The following DAAM2 variants were observed in gnomAD, a reference collection of about 807,000 sequenced individuals.
DAAM2 encodes the protein disheveled-associated activator of morphogenesis 2.
A neutral mutation model predicts 120.7 loss-of-function variants in DAAM2; 39 were observed. The observed-to-expected ratio is 0.32, with a 90% CI of 0.25 to 0.42. DAAM2 has a LOEUF of 0.42. Ranked by LOEUF, DAAM2 falls within the 10% of genes least tolerant of loss-of-function variation. DAAM2 has a pLI of 1.00. For synonymous variants in DAAM2, 488 were observed against 524.9 expected, an observed-to-expected ratio of 0.93 and a Z score of 0.96; for missense variants, 1,283 against 1,401.7, an observed-to-expected ratio of 0.92 and a Z score of 1.35.
chr6:39,849,786 C>A (rs1257773790), intron 1 of DAAM2, among the ~76,000 whole-genome samples: 1 of 151,976 alleles, frequency 6.6e-6, no homozygotes, highest in Non-Finnish European at 1.5e-5. Context: ...TGTAGGTGGG[C>A]AGTGGGGAGA....
At chr6:39,888,244 C>T (rs556590624) in intron 16 of DAAM2, 101 of 157,596 alleles carry the variant, frequency 6.4e-4, no homozygotes, top group African/African-American at 2.0e-3. Context: ...AGACTGAGAG[C>T]GATTCTGTGT....
At chr6:39,868,985 G>A in intron 7 of DAAM2, 52 bp downstream of exon 7, 2 of 1,316,060 alleles carry the variant, frequency 1.5e-6, no homozygotes. Context: ...TGGACCTGGG[G>A]TAGAGTGTGT....
chr6:39,812,347 G>A (rs2114070947), intron 1 of DAAM2, among the ~76,000 whole-genome samples: 1 of 152,282 alleles, frequency 6.6e-6, no homozygotes, highest in East Asian at 1.9e-4. Context: ...TGCAAAGTGG[G>A]TATTATCCCA....
chr6:39,863,481 CGCTGGCA>C (rs904873083), intron 3 of DAAM2, among the ~76,000 whole-genome samples: 26 of 152,066 alleles, frequency 1.7e-4, no homozygotes, highest in African/African-American at 6.3e-4. Context: ...CTGCAGGGCC[CGCTGGCA>C]GCTGGCAGAG....
intron 23 of DAAM2, 126 bp downstream of exon 23, chr6:39,900,334 G>C: frequency 9.0e-7 from 1 of 1,108,056 alleles, no homozygotes; most frequent in Non-Finnish European, 1.3e-6. Flanking sequence ...AGAGAAAACC[G>C]TTTCTTCGCT....
Position 39,865,064 on chromosome 6 carries a change from C to A in DAAM2, c.418C>A (p.Gln140Lys). Residue 140 changes from glutamine (Q) to lysine (K), a missense_variant, in exon 5 of 25, where the codon CAG becomes AAG. Physicochemically the swap from Gln to Lys is moderately conservative, Grantham distance 53. Around this residue, in one of 3 missense-constraint regions of DAAM2, gnomAD observed 197 missense variants for 189.3 expected, o/e 1.04. Transcript: ENST00000274867. ...AGACCTGAAGACAGCCCTCCGGACA[C>A]AGCCTATGAGGTAATTCAGTTTCCC... ...VEDLKTALRT[Q>K]PMRFVTRFIE... is the part of the protein sequence containing the mutation. 6.4e-7 allele frequency: 1 copy of A among 1,559,568 alleles called. No individual in the cohort carries two copies. The highest frequency in any genetic ancestry group is 8.8e-7 in the Non-Finnish European group (1 of 1,136,968).
chr6:39,803,547 TGAG>T (rs1271611280), intron 1 of DAAM2, among the ~76,000 whole-genome samples: 3 of 152,250 alleles, frequency 2.0e-5, no homozygotes, highest in Admixed American at 2.0e-4. Context: ...TTTTCACAGA[TGAG>T]GAGACTGAGG....
At position 39,888,582 on chromosome 6, in the gene DAAM2, C is replaced by A. The variant is rs528024281; in HGVS notation, c.2061-97C>A. The A allele has an allele frequency of 3.3e-5, 32 of 984,400 alleles. No homozygotes were observed. The African/African-American group carries it at 4.5e-4, about 14-fold the overall frequency. 61.0% of individuals were successfully genotyped at this position (984,400 alleles called of 1,614,324 possible). The stretch of plus-strand genomic sequence containing the variant: ...AGGGGGGAATACTATTAAATATATT[C>A]CCAAGTCCTGTTAGGGAATGAGGGA... On this transcript the variant is annotated intron_variant, in intron 16 of 24. Coordinates refer to ENST00000274867, the MANE Select transcript of DAAM2 (RefSeq NM_001201427.2).
chr6:39,872,675 C>T (rs541763744), intron 9 of DAAM2, among the ~76,000 whole-genome samples: 1 of 152,286 alleles, frequency 6.6e-6, no homozygotes, highest in East Asian at 1.9e-4. Context: ...TTCACAAAAG[C>T]CCTGGATTTA....
At position 39,817,595 on chromosome 6, in the gene DAAM2, G is replaced by A. The variant is rs116202994; in HGVS notation, c.-57+25130G>A. On this transcript the variant is annotated intron_variant, in intron 1 of 24. Transcript: ENST00000274867. ...TTCTATAGTGAAACAGAACCAATAG[G>A]ATCTCTCTCTACATATATCTGGATT... 4.0e-3 allele frequency among the ~76,000 whole-genome samples: 602 copies of A among 152,210 alleles called. 3 individuals are homozygous for A. Among genetic ancestry groups the A allele is most frequent in the African/African-American group, 0.013 (558 of 41,532 alleles).
Position 39,904,752 on chromosome 6 carries a change from C to A in DAAM2, c.*2715C>A, listed in dbSNP as rs1181369458. On this transcript the variant is annotated 3_prime_UTR_variant, in exon 25 of 25. Transcript: ENST00000274867. ...ACGCCAAGGCTGTTCTCACCAGCTG[C>A]CTCAGATGACAAATGAGGCTAATGG... is the stretch of plus-strand genomic sequence containing the variant. 2.2e-6 allele frequency: 1 copy of A among 454,134 alleles called. No homozygotes were observed. Among genetic ancestry groups the A allele is most frequent in the Non-Finnish European group, 4.4e-6 (1 of 226,802 alleles). The allele number at this position is 454,134 out of a possible 1,614,324, so 28.1% of individuals were successfully genotyped here. A position where few individuals can be genotyped will look rare whatever the true frequency, so the allele number is the denominator to read the frequency against.
At chr6:39,849,991 T>A (rs992327399) in intron 1 of DAAM2, among the ~76,000 whole-genome samples, 3 of 152,034 alleles carry the variant, frequency 2.0e-5, no homozygotes, top group Non-Finnish European at 2.9e-5. Flanking sequence ...ACATTCCTTA[T>A]GTTCCATGCA....
At position 39,873,208 on chromosome 6, in the gene DAAM2, C is replaced by T. The variant is rs375375457; in HGVS notation, c.1045-30C>T. On this transcript the variant is annotated intron_variant, in intron 9 of 24. Transcript: ENST00000274867. ...CTGCTGACTTCCTCTGCTGCCTACC[C>T]ACTGATCACTGTGCCCTCTTCTCTC... is the stretch of plus-strand genomic sequence containing the variant. 9.7e-4 allele frequency: 1,384 copies of T among 1,421,298 alleles called. 13 individuals are homozygous for T. Among genetic ancestry groups the T allele is most frequent in the South Asian group, 9.3e-3 (784 of 83,984 alleles). 88.0% of individuals were successfully genotyped at this position (1,421,298 alleles called of 1,614,324 possible).
At position 39,903,955 on chromosome 6, in the gene DAAM2, C is replaced by T. The variant is rs971058224; in HGVS notation, c.*1918C>T. On this transcript the variant is annotated 3_prime_UTR_variant, in exon 25 of 25. Transcript: ENST00000274867. Reference sequence around the variant, plus strand: ...CAGAGAGTTTGGCTATATGCATCTGCAGCCCCAAGAGCTCCCACTGCAAGA... The same window carrying T: ...CAGAGAGTTTGGCTATATGCATCTGTAGCCCCAAGAGCTCCCACTGCAAGA... 3.5e-5 allele frequency: 12 copies of T among 346,922 alleles called. No homozygotes were observed. The highest frequency in any genetic ancestry group is 1.9e-4 in the African/African-American group (9 of 46,610). The allele number at this position is 346,922 out of a possible 1,614,324, so 21.5% of individuals were successfully genotyped here.
intron 1 of DAAM2, among the ~76,000 whole-genome samples, chr6:39,792,685 G>A (rs993546048): frequency 6.6e-6 from 1 of 152,164 alleles, no homozygotes; most frequent in African/African-American, 2.4e-5. Context: ...TGTGTGAGTT[G>A]TGTGTGTGTA....
rs147287475 is a variant in DAAM2, at chr6:39,849,025, G to A, written c.-56-7222G>A. Reference sequence around the variant, plus strand: ...GCTCTCAATGGGTCAGATAGTACAAGTGAGGAGCCAGTACGATATATTAAG... The same window carrying A: ...GCTCTCAATGGGTCAGATAGTACAAATGAGGAGCCAGTACGATATATTAAG... On this transcript the variant is annotated intron_variant, in intron 1 of 24. Transcript: ENST00000274867. 1.1e-4 allele frequency: 17 copies of A among 152,376 alleles called. 1 individual carries two copies. Among genetic ancestry groups the A allele is most frequent in the South Asian group, 1.0e-3 (5 of 4,828 alleles). The allele number at this position is 152,376 out of a possible 1,614,324, so 9.4% of individuals were successfully genotyped here.
intron 14 of DAAM2, 126 bp from the exon 15 acceptor site, chr6:39,883,836 G>T: frequency 1.5e-6 from 1 of 665,856 alleles, no homozygotes; most frequent in South Asian, 1.8e-5. Flanking sequence ...ACTACCTTCT[G>T]AAGGTCTGAA....
At chr6:39,880,294 C>A (rs776992667) in intron 14 of DAAM2, among the ~76,000 whole-genome samples, 1 of 152,166 alleles carries the variant, frequency 6.6e-6, no homozygotes, top group Non-Finnish European at 1.5e-5. Context: ...GTTGGACTGG[C>A]TCTTGGGGAA....
In DAAM2 at chr6:39,891,321, C is replaced by T. The variant is rs962096730; in HGVS notation, c.2146-20C>T. ...TGCTGCTCACCAGTTGCTTGTGTGA[C>T]TTGCGCCTGCTCTTTGCAGCTCCTC... is the stretch of plus-strand genomic sequence containing the variant. On this transcript the variant is annotated intron_variant, in intron 17 of 24. Transcript: ENST00000274867. 1.3e-6 allele frequency: 2 copies of T among 1,571,840 alleles called. No individual in the cohort carries two copies. The highest frequency in any genetic ancestry group is 2.3e-5 in the South Asian group (2 of 86,540).
Sources: gnomAD v4.1 joint callset for allele counts (sites outside exome capture counted in the v4.1 genomes callset) on GRCh38, gnomAD v4.1.1 for gene constraint, gnomAD v4.1.1 regional missense constraint, MANE v1.5 for transcripts, NCBI Gene and HGNC (gene_info 2026-07-23, HGNC 2026-07-21) for gene names.